Variants in KDM5A observed in about 807,000 individuals in gnomAD.
KDM5A encodes the protein lysine demethylase 5A.
In KDM5A, 42 loss-of-function variants were observed where a neutral mutation model predicts 193.5. The observed-to-expected ratio is 0.22, with a 90% confidence interval of 0.17 to 0.28. The LOEUF (loss-of-function observed/expected upper bound fraction) is 0.28. KDM5A is among the 10% of genes least tolerant of loss of function. The pLI, the probability that KDM5A is intolerant of heterozygous loss-of-function variation, is 1.00. For synonymous variants in KDM5A, 796 were observed against 718.1 expected (o/e 1.11, Z -1.73); for missense variants, 1,692 against 2,055.1 (o/e 0.82, Z 3.42).
In KDM5A at chr12:308,093, C is replaced by T. The variant is rs574241276; in HGVS notation, c.3379-88G>A. The T allele has an allele frequency of 5.6e-4, 796 of 1,416,098 alleles. 3 individuals carry two copies. Among genetic ancestry groups the T allele is most frequent in the Middle Eastern group, 9.0e-4 (5 of 5,546 alleles). 87.7% of individuals were successfully genotyped at this position (1,416,098 alleles called of 1,614,324 possible). Reference sequence around the variant, plus strand: ...CCTCAAGGCTGTGGGATCTTTCTCCCAAGTTATCAGTTATAAACAGTTTCC... The same window carrying T: ...CCTCAAGGCTGTGGGATCTTTCTCCTAAGTTATCAGTTATAAACAGTTTCC... On this transcript the variant is annotated intron_variant, in intron 22 of 27. Coordinates refer to ENST00000399788, the MANE Select transcript of KDM5A (RefSeq NM_001042603.3).
intron 26 of KDM5A, 71 bp downstream of exon 26, chr12:295,502 T>C (rs1360782447): frequency 1.3e-5 from 19 of 1,433,722 alleles, no homozygotes; most frequent in Non-Finnish European, 1.9e-5. Context: ...TTTGCCAACA[T>C]TTATGATACC....
chr12:366,215 C>T lies in KDM5A; in HGVS notation c.367-111G>A, dbSNP rs1944355269. ...TATTCAGGGCTTAAATTTCAAATTT[C>T]CTTTCAATGAGTATCTAACCAAACT... is the stretch of plus-strand genomic sequence containing the variant. On this transcript the variant is annotated intron_variant, in intron 3 of 27. Transcript: ENST00000399788. 4.4e-6 allele frequency: 4 copies of T among 902,068 alleles called. No individual in the cohort carries two copies. In the South Asian group the frequency reaches 6.0e-5, roughly 14 times the overall value. The allele number at this position is 902,068 out of a possible 1,614,324, so 55.9% of individuals were successfully genotyped here. A position where few individuals can be genotyped will look rare whatever the true frequency, so the allele number is the denominator to read the frequency against.
chr12:354,890 C>A (rs1482794835), intron 7 of KDM5A, among the ~76,000 whole-genome samples: 1 of 152,148 alleles, frequency 6.6e-6, no homozygotes, highest in African/African-American at 2.4e-5. Flanking sequence ...CTGAGACTGT[C>A]TATAATAGAA....
chr12:285,923 G>T (rs987535183), intron 27 of KDM5A, among the ~76,000 whole-genome samples: 1 of 152,160 alleles, frequency 6.6e-6, no homozygotes, highest in African/African-American at 2.4e-5. Flanking sequence ...TCCTTGTGAG[G>T]CAGAAACATG....
chr12:310,013 T>C, intron 21 of KDM5A, 49 bp from the exon 22 acceptor site: 1 of 1,578,492 alleles, frequency 6.3e-7, no homozygotes, highest in Non-Finnish European at 8.6e-7. Flanking sequence ...AAAATAATCT[T>C]AAAAGTAAAA....
intron 26 of KDM5A, among the ~76,000 whole-genome samples, chr12:294,707 A>C (rs1208468022): frequency 6.6e-6 from 1 of 152,266 alleles, no homozygotes; most frequent in African/African-American, 2.4e-5. Context: ...ACTAATGAAA[A>C]GAATACTCAT....
At chr12:343,818 G>A (rs1944036631) in intron 10 of KDM5A, among the ~76,000 whole-genome samples, 1 of 152,202 alleles carries the variant, frequency 6.6e-6, no homozygotes, top group African/African-American at 2.4e-5. Flanking sequence ...AGAAACCAGA[G>A]CAGAAAAGCT....
At position 384,076 on chromosome 12, in the gene KDM5A, G is replaced by T. The variant is rs1337891219; in HGVS notation, c.321C>A (p.Ile107=). The T allele has an allele frequency of 6.2e-7, 1 of 1,613,276 alleles. No individual in the cohort carries two copies. The highest frequency in any genetic ancestry group is 1.1e-5 in the South Asian group (1 of 91,062). The part of the protein sequence containing the change: ...FWELQGSTLK[I]PVVERKILDL... ...CCAGGATTTTTCTCTCTACCACAGG[G>T]ATCTTCAGAGTAGATCCTTGAAGTT... Residue 107 remains isoleucine (I), a synonymous_variant, in exon 3 of 28, where the codon ATC becomes ATA. Coordinates refer to ENST00000399788, the MANE Select transcript of KDM5A (RefSeq NM_001042603.3).
In KDM5A at chr12:313,117, A is replaced by G. The variant is rs1189775677; in HGVS notation, c.2975T>C (p.Leu992Ser). ...CTTTTGTAAGGCTTCTTTCAAGGAC[A>G]ACACATTGGGTAGAAAGGCTGGAAT... is the stretch of plus-strand genomic sequence containing the variant. ...KNIPAFLPNVLSLKEALQKAR... is the reference protein window; with the variant it reads ...KNIPAFLPNVSSLKEALQKAR... Residue 992 changes from leucine to serine, a missense_variant, in exon 20 of 28, where the codon TTG becomes TCG. Around this residue, in one of 11 missense-constraint regions of KDM5A, gnomAD observed 965 missense variants for 1,061.0 expected, o/e 0.91. Coordinates refer to ENST00000399788, the MANE Select transcript of KDM5A (RefSeq NM_001042603.3). 6.2e-7 allele frequency: 1 copy of G among 1,614,192 alleles called. No homozygotes were observed. Among genetic ancestry groups the G allele is most frequent in the Admixed American group, 1.7e-5 (1 of 60,032 alleles).
intron 19 of KDM5A, among the ~76,000 whole-genome samples, chr12:314,859 T>A (rs1306875335): frequency 5.3e-5 from 8 of 152,132 alleles, no homozygotes; most frequent in African/African-American, 1.9e-4. Flanking sequence ...GAACATAGAA[T>A]ACAAGAGGAA....
At chr12:361,490 G>A (rs911938149) in intron 5 of KDM5A, among the ~76,000 whole-genome samples, 2 of 152,048 alleles carry the variant, frequency 1.3e-5, no homozygotes, top group Admixed American at 6.6e-5. Context: ...CACCATGCCC[G>A]GCCTGTAGTC....
intron 19 of KDM5A, among the ~76,000 whole-genome samples, chr12:314,099 GCTGAAATCGTTC>G (rs1283926366): frequency 5.9e-5 from 9 of 152,142 alleles, no homozygotes; most frequent in African/African-American, 1.9e-4. Flanking sequence ...AGGTACTGAG[GCTGAAATCGTTC>G]ATCATCCATG....
chr12:347,569 A>T (rs1944094925), intron 10 of KDM5A, among the ~76,000 whole-genome samples: 1 of 152,230 alleles, frequency 6.6e-6, no homozygotes, highest in African/African-American at 2.4e-5. Flanking sequence ...ACAGAGACAT[A>T]GACCAATGGA....
At chr12:309,635 T>C (rs1206077001) in intron 22 of KDM5A, among the ~76,000 whole-genome samples, 168 bp downstream of exon 22, 1 of 152,236 alleles carries the variant, frequency 6.6e-6, no homozygotes, top group Non-Finnish European at 1.5e-5. Context: ...ACTAAACTTT[T>C]TGTATATCTT....
At chr12:388,291 G>A (rs1484481529) in intron 1 of KDM5A, 2 of 455,858 alleles carry the variant, frequency 4.4e-6, no homozygotes, top group African/African-American at 4.0e-5. Context: ...CAATAACTGT[G>A]ATTCTAAAAT....
intron 3 of KDM5A, among the ~76,000 whole-genome samples, chr12:375,088 C>T (rs994119713): frequency 3.9e-5 from 6 of 151,978 alleles, no homozygotes; most frequent in South Asian, 2.1e-4. Context: ...ATCTTTGTGG[C>T]GTTCTCTGTA....
chr12:350,961 C>G (rs1342058856), intron 9 of KDM5A, among the ~76,000 whole-genome samples, 182 bp from the exon 10 acceptor site: 1 of 152,134 alleles, frequency 6.6e-6, no homozygotes, highest in Non-Finnish European at 1.5e-5. Flanking sequence ...GCTGAGACAA[C>G]TCGGACGTTC....
intron 5 of KDM5A, among the ~76,000 whole-genome samples, chr12:361,937 T>C (rs1438803084): frequency 2.6e-5 from 4 of 152,152 alleles, no homozygotes; most frequent in Non-Finnish European, 1.5e-5. Flanking sequence ...CCCTGATCTG[T>C]AGAAAAGCAA....
chr12:335,825 T>C (rs1173959488), intron 10 of KDM5A, among the ~76,000 whole-genome samples: 2 of 151,752 alleles, frequency 1.3e-5, no homozygotes, highest in South Asian at 2.1e-4. Context: ...GTAGATGACC[T>C]GAGGTCAGGA....
Sources: gnomAD v4.1 joint callset for allele counts (sites outside exome capture counted in the v4.1 genomes callset) on GRCh38, gnomAD v4.1.1 for gene constraint, gnomAD v4.1.1 regional missense constraint, MANE v1.5 for transcripts, NCBI Gene and HGNC (gene_info 2026-07-23, HGNC 2026-07-21) for gene names.